The following STPG2 variants were observed in gnomAD, a reference collection of about 807,000 sequenced individuals.
STPG2 encodes the protein sperm-tail PG-rich repeat-containing protein 2.
STPG2 carries 56 observed loss-of-function variants against 54.2 expected under a neutral mutation model. That is an observed-to-expected ratio of 1.03 (90% CI 0.83 to 1.29). STPG2 has a LOEUF of 1.29. STPG2 is among the 50% of genes most tolerant of loss of function. The pLI, the probability that STPG2 is intolerant of heterozygous loss-of-function variation, is 0.00. For missense variants in STPG2, 596 were observed against 544.9 expected, an observed-to-expected ratio of 1.09 and a Z score of -0.93; for synonymous variants, 200 against 181.8, an observed-to-expected ratio of 1.10 and a Z score of -0.81.
intron 10 of STPG2, among the ~76,000 whole-genome samples, chr4:97,562,755 C>A (rs184173378): frequency 2.6e-5 from 4 of 151,910 alleles, no homozygotes; most frequent in Non-Finnish European, 5.9e-5. Flanking sequence ...TATTGATTTG[C>A]GTATATTGAA....
chr4:97,840,479 G>C (rs1309481255), intron 9 of STPG2, among the ~76,000 whole-genome samples: 1 of 151,586 alleles, frequency 6.6e-6, no homozygotes, highest in Non-Finnish European at 1.5e-5. Flanking sequence ...ACTTAAGAGA[G>C]TCAGGGTAAA....
chr4:97,443,832 T>A (rs1295609230), intron 4 of STPG2, among the ~76,000 whole-genome samples: 1 of 152,128 alleles, frequency 6.6e-6, no homozygotes, highest in African/African-American at 2.4e-5. Flanking sequence ...TCAGGAGATA[T>A]AATCAAAAAA....
chr4:97,454,519 C>CAAAAAAAAA (rs10564687), intron 4 of STPG2, among the ~76,000 whole-genome samples: 7 of 43,694 alleles, frequency 1.6e-4, no homozygotes, highest in Non-Finnish European at 3.7e-4. Context: ...GACTCCGTCT[C>CAAAAAAAAA]AAAAAAAAAA....
intron 9 of STPG2, among the ~76,000 whole-genome samples, chr4:97,833,087 A>C (rs1307467004): frequency 1.3e-5 from 2 of 152,224 alleles, no homozygotes; most frequent in Non-Finnish European, 2.9e-5. Flanking sequence ...AGCTGGAGGC[A>C]TCAGGCTACC....
At chr4:97,677,245 G>T (rs1219024264) in intron 10 of STPG2, among the ~76,000 whole-genome samples, 1 of 152,044 alleles carries the variant, frequency 6.6e-6, no homozygotes, top group African/African-American at 2.4e-5. Context: ...ACTCTAAAAT[G>T]GTTTGATGTA....
Position 98,079,221 on chromosome 4 carries a change from A to G in STPG2, c.612+26732T>C, listed in dbSNP as rs1738263929. Among the ~76,000 whole-genome samples, 3 of 152,242 alleles carry G rather than the reference A, an allele frequency of 2.0e-5. No homozygotes were observed. In the South Asian group the frequency reaches 6.2e-4, roughly 31 times the overall value. On this transcript the variant is annotated intron_variant, in intron 5 of 10. Transcript: ENST00000295268. ...GCCTGTTGATTAAAATAAACAATATATCACCATTACAAAAAATATTGTTCT... is the reference window on the plus strand; with the variant it reads ...GCCTGTTGATTAAAATAAACAATATGTCACCATTACAAAAAATATTGTTCT...
intron 4 of STPG2, among the ~76,000 whole-genome samples, chr4:97,497,157 TC>T (rs1730628220): frequency 6.6e-6 from 1 of 151,526 alleles, no homozygotes. Context: ...TTAAAGAAAA[TC>T]AAAACAGAAA....
chr4:98,134,610 A>C (rs949753943), intron 1 of STPG2, 151 bp from the exon 2 acceptor site: 7 of 343,278 alleles, frequency 2.0e-5, no homozygotes, highest in Non-Finnish European at 3.7e-5. Flanking sequence ...TACATTTTTT[A>C]AAATCTGATA....
At chr4:97,633,125 T>C (rs1721350410) in intron 10 of STPG2, among the ~76,000 whole-genome samples, 1 of 152,182 alleles carries the variant, frequency 6.6e-6, no homozygotes, top group Admixed American at 6.5e-5. Context: ...ATCAGTTGTT[T>C]TAGTTTCTCT....
At chr4:97,868,746 AG>A (rs1417966938) in intron 8 of STPG2, among the ~76,000 whole-genome samples, 2 of 151,820 alleles carry the variant, frequency 1.3e-5, no homozygotes, top group African/African-American at 4.8e-5. Flanking sequence ...TGTATATCTG[AG>A]ATCTGTAAAT....
Position 97,845,531 on chromosome 4 carries a change from A to G in STPG2, c.1045-4599T>C, listed in dbSNP as rs371209402. 2.0e-5 allele frequency among the ~76,000 whole-genome samples: 3 copies of G among 152,190 alleles called. 1 individual carries two copies. The South Asian group carries it at 6.2e-4, about 31-fold the overall frequency. ...GCATATATGTGGAGCTGTGCATACA[A>G]ATTTAAATTATCATATTATTCTGGT... On this transcript the variant is annotated intron_variant, in intron 8 of 10. Transcript: ENST00000295268.
chr4:97,669,105 A>G (rs1722620340), intron 10 of STPG2, among the ~76,000 whole-genome samples: 1 of 152,126 alleles, frequency 6.6e-6, no homozygotes, highest in Non-Finnish European at 1.5e-5. Flanking sequence ...ATACTTGGCA[A>G]ATAGAGAAGA....
At chr4:97,869,605 T>C (rs1474270673) in intron 8 of STPG2, among the ~76,000 whole-genome samples, 3 of 151,648 alleles carry the variant, frequency 2.0e-5, no homozygotes, top group East Asian at 3.9e-4. Context: ...TCTAGAATGA[T>C]GCATCTGTAA....
rs141258797 is a variant in STPG2, at chr4:97,496,535, A to G, written c.462+216164T>C. On this transcript the variant is annotated intron_variant, in intron 4 of 4. Transcript: ENST00000522676. ...TTAACCTGAGAATTACTGCACTGCC[A>G]TGGTTACCCAGCAAAATAGATTGCA... is the stretch of plus-strand genomic sequence containing the variant. Among the ~76,000 whole-genome samples the G allele has an allele frequency of 5.1e-3, 768 of 151,904 alleles. 6 individuals carry two copies. The highest frequency in any genetic ancestry group is 0.018 in the African/African-American group (728 of 41,504).
At chr4:97,800,632 G>T (rs1727361799) in intron 9 of STPG2, among the ~76,000 whole-genome samples, 1 of 152,200 alleles carries the variant, frequency 6.6e-6, no homozygotes, top group Admixed American at 6.5e-5. Flanking sequence ...AGGGGTCAGG[G>T]ACCCACTTGA....
At chr4:97,534,989 T>A (rs542718150) in intron 4 of STPG2, among the ~76,000 whole-genome samples, 1 of 152,348 alleles carries the variant, frequency 6.6e-6, no homozygotes, top group African/African-American at 2.4e-5. Flanking sequence ...TTCTATTTGA[T>A]GAATGTAATG....
intron 6 of STPG2, among the ~76,000 whole-genome samples, chr4:97,972,984 A>G (rs1734385385): frequency 6.6e-6 from 1 of 152,180 alleles, no homozygotes; most frequent in Non-Finnish European, 1.5e-5. Context: ...ATGAAAACAG[A>G]CTAATACAGT....
At chr4:97,712,889 G>A in intron 9 of STPG2, 75 bp from the exon 10 acceptor site, 1 of 959,338 alleles carries the variant, frequency 1.0e-6, no homozygotes, top group Non-Finnish European at 1.5e-6. Flanking sequence ...TGAATATTAG[G>A]TTTGTGCTCT....
At position 97,784,501 on chromosome 4, in the gene STPG2, A is replaced by G. The variant is rs562793098; in HGVS notation, c.1204+56272T>C. On this transcript the variant is annotated intron_variant, in intron 9 of 10. Transcript: ENST00000295268. ...TCACTAAGGGAATTAAGACACCAAG[A>G]TACAGTGCCAAAAAAACTTTCCTTC... 2.0e-5 allele frequency among the ~76,000 whole-genome samples: 3 copies of G among 152,178 alleles called. No individual in the cohort carries two copies. In the East Asian group the frequency reaches 5.8e-4, roughly 29 times the overall value.
Sources: allele counts gnomAD v4.1 joint callset (sites outside exome capture counted in the v4.1 genomes callset), GRCh38; gene constraint gnomAD v4.1.1; transcripts MANE v1.5; gene names NCBI Gene and HGNC (gene_info 2026-07-23, HGNC 2026-07-21).